C3orf22: variants seen among roughly 807,000 people sequenced by gnomAD.
The protein encoded by C3orf22 is uncharacterized protein C3orf22.
Under a neutral mutation model 10.8 loss-of-function variants are expected in C3orf22, and 7 were observed. That is an observed-to-expected ratio of 0.65 (90% CI 0.37 to 1.22). The LOEUF is 1.22. Among genes scored for constraint, C3orf22 ranks in the 50% most tolerant of loss-of-function variants. C3orf22 has a pLI of 0.02. For missense variants in C3orf22, 173 were observed against 177.0 expected, an observed-to-expected ratio of 0.98 and a Z score of 0.13; for synonymous variants, 79 against 78.9, an observed-to-expected ratio of 1.00 and a Z score of 0.00.
chr3:126,548,913 C>T (rs1937114704), downstream of C3orf22, among the ~76,000 whole-genome samples: 1 of 152,250 alleles, frequency 6.6e-6, no homozygotes. Context: ...CCACATCCCA[C>T]TCCAGGGAGA....
At chr3:126,532,001 T>C (rs1335061323) in intron 4 of C3orf22, among the ~76,000 whole-genome samples, 3 of 152,222 alleles carry the variant, frequency 2.0e-5, no homozygotes, top group African/African-American at 7.2e-5. Flanking sequence ...ATGGTGTTGA[T>C]TTCTATTTCA....
Position 126,553,520 on chromosome 3 carries a change from G to A in C3orf22, c.-40-90C>T. ...GTACCCAGCAGGGCTGGGGGTGCCT[G>A]CGGGCCGCCAAATGACCTGCATCAC... is the stretch of plus-strand genomic sequence containing the variant. On this transcript the variant is annotated intron_variant, in intron 1 of 3. Coordinates refer to ENST00000318225, the MANE Select transcript of C3orf22 (RefSeq NM_152533.3). 6 of 818,178 alleles carry A rather than the reference G, an allele frequency of 7.3e-6. 1 individual carries two copies. The South Asian group carries it at 9.1e-5, about 12-fold the overall frequency. 50.7% of individuals were successfully genotyped at this position (818,178 alleles called of 1,614,324 possible).
intron 4 of C3orf22, among the ~76,000 whole-genome samples, chr3:126,530,447 A>T (rs953479456): frequency 1.3e-5 from 2 of 152,172 alleles, no homozygotes; most frequent in Admixed American, 1.3e-4. Flanking sequence ...TCGGCTTCTC[A>T]GTCACTGCAA....
chr3:126,542,184 G>A lies in C3orf22; in HGVS notation c.286+7353C>T. On this transcript the variant is annotated intron_variant and NMD_transcript_variant, in intron 4 of 5. Coordinates refer to the C3orf22 transcript ENST00000505070. ...CGCATCGTTCAGCGCCTGCGGCCGC[G>A]CGCGCTCCCCGACGCCCGGGCCCGC... 6.9e-7 allele frequency: 1 copy of A among 1,446,334 alleles called. No homozygotes were observed. The highest frequency in any genetic ancestry group is 2.9e-5 in the East Asian group (1 of 34,532). 89.6% of individuals were successfully genotyped at this position (1,446,334 alleles called of 1,614,324 possible).
chr3:126,556,736 TACTC>T (rs765843927), intron 1 of C3orf22, among the ~76,000 whole-genome samples: 4 of 147,342 alleles, frequency 2.7e-5, no homozygotes, highest in Admixed American at 6.8e-5. Flanking sequence ...CACAGACTCA[TACTC>T]ACAGACTCAC....
At chr3:126,548,146 C>T (rs113748624), downstream of C3orf22, among the ~76,000 whole-genome samples, 500 of 152,352 alleles carry the variant, frequency 3.3e-3, 5 homozygotes, top group African/African-American at 0.011. Flanking sequence ...AGGCGTATGC[C>T]ACCATGCCCA....
At chr3:126,546,482 T>C (rs12492352), downstream of C3orf22, among the ~76,000 whole-genome samples, 27,400 of 152,002 alleles carry the variant, frequency 0.18, 3,565 homozygotes, top group East Asian at 0.63. Flanking sequence ...CAGGTTGAGA[T>C]GAGGTCATGA....
At chr3:126,539,607 CCACACCACACA>C (rs1231033557) in intron 4 of C3orf22, among the ~76,000 whole-genome samples, 3 of 137,810 alleles carry the variant, frequency 2.2e-5, no homozygotes, top group East Asian at 4.5e-4. Flanking sequence ...CCCACACACT[CCACACCACACA>C]CACAGCACAC....
At chr3:126,555,432 T>C (rs1252823091) in intron 1 of C3orf22, among the ~76,000 whole-genome samples, 1 of 152,140 alleles carries the variant, frequency 6.6e-6, no homozygotes, top group Non-Finnish European at 1.5e-5. Flanking sequence ...TAGACCCCGC[T>C]CCAGCATGGA....
At chr3:126,527,862 G>A (rs1936569648) in exon 6 of C3orf22, 1 of 152,172 alleles carries the variant, frequency 6.6e-6, no homozygotes, top group African/African-American at 2.4e-5. Flanking sequence ...TGCAGAACAG[G>A]AATTGGCAAT....
chr3:126,558,275 G>C (rs1002395215), intron 1 of C3orf22, among the ~76,000 whole-genome samples: 1 of 152,180 alleles, frequency 6.6e-6, no homozygotes, highest in African/African-American at 2.4e-5. Flanking sequence ...ACAGTGAGTC[G>C]GGGAAGAGGT....
chr3:126,527,741 G>T (rs1936567064), exon 6 of C3orf22: 1 of 152,232 alleles, frequency 6.6e-6, no homozygotes, highest in African/African-American at 2.4e-5. Flanking sequence ...AGCCAAATTG[G>T]TAGATGCTCC....
chr3:126,533,600 T>C (rs1936704063), intron 4 of C3orf22, among the ~76,000 whole-genome samples: 2 of 152,222 alleles, frequency 1.3e-5, no homozygotes, highest in African/African-American at 4.8e-5. Context: ...ATAAACTTTT[T>C]CATAGGATGT....
At chr3:126,556,867 T>TACAC (rs369889567) in intron 1 of C3orf22, among the ~76,000 whole-genome samples, 21 of 131,044 alleles carry the variant, frequency 1.6e-4, no homozygotes, top group African/African-American at 5.0e-4. Flanking sequence ...CAGACTCACA[T>TACAC]ACACACACAC....
chr3:126,539,001 G>C (rs1020330687), intron 4 of C3orf22, among the ~76,000 whole-genome samples: 2 of 152,178 alleles, frequency 1.3e-5, no homozygotes, highest in African/African-American at 4.8e-5. Flanking sequence ...TTCCAGACAT[G>C]CTCTAGGCGT....
intron 4 of C3orf22, chr3:126,541,800 G>T: frequency 6.5e-7 from 1 of 1,550,326 alleles, no homozygotes; most frequent in Non-Finnish European, 8.7e-7. Flanking sequence ...GCCTGTAGCC[G>T]CCACTCACGC....
Position 126,549,917 on chromosome 3 carries a change from G to A in C3orf22, c.377C>T (p.Ala126Val). The A allele has an allele frequency of 6.2e-7, 1 of 1,614,120 alleles. No homozygotes were observed. The highest frequency in any genetic ancestry group is 2.2e-5 in the East Asian group (1 of 44,860). ...FLLSTRHTEA[A>V]CPQTSKAAGL... ...TGCCGCCTTGCTGGTCTGGGGGCAG[G>A]CAGCCTCAGTGTGCCGGGTGGACAG... Residue 126 changes from alanine to valine, a missense_variant, in exon 4 of 4, where the codon GCC (alanine) becomes GTC (valine). Coordinates refer to ENST00000318225, the MANE Select transcript of C3orf22 (RefSeq NM_152533.3).
intron 4 of C3orf22, among the ~76,000 whole-genome samples, chr3:126,539,516 A>T (rs542767957): frequency 7.0e-6 from 1 of 142,786 alleles, no homozygotes; most frequent in South Asian, 2.3e-4. Flanking sequence ...CACACCCCAC[A>T]CACCCCACAC....
At chr3:126,530,085 G>A (rs1936621710) in intron 4 of C3orf22, among the ~76,000 whole-genome samples, 1 of 152,252 alleles carries the variant, frequency 6.6e-6, no homozygotes, top group Non-Finnish European at 1.5e-5. Flanking sequence ...AGTCAGGATT[G>A]GACCCAAGGA....
Sources: allele counts gnomAD v4.1 joint callset (sites outside exome capture counted in the v4.1 genomes callset), GRCh38; gene constraint gnomAD v4.1.1; transcripts MANE v1.5; gene names NCBI Gene and HGNC (gene_info 2026-07-23, HGNC 2026-07-21).